The following ARHGEF10L variants were observed in gnomAD, a reference collection of about 807,000 sequenced individuals.
The protein encoded by ARHGEF10L is rho guanine nucleotide exchange factor 10-like protein.
A neutral mutation model predicts 141.2 loss-of-function variants in ARHGEF10L; 69 were observed. The observed-to-expected ratio is 0.49, with a 90% CI of 0.40 to 0.60. The LOEUF is 0.60. Ranked by LOEUF, ARHGEF10L falls within the 20% of genes least tolerant of loss-of-function variation. The pLI is 0.00. For synonymous variants in ARHGEF10L, 711 were observed against 718.5 expected (o/e 0.99, Z 0.17); for missense variants, 1,482 against 1,734.3 (o/e 0.85, Z 2.58).
At chr1:17,579,018 C>CT (rs996537115) in intron 1 of ARHGEF10L, among the ~76,000 whole-genome samples, 4 of 150,268 alleles carry the variant, frequency 2.7e-5, no homozygotes, top group Non-Finnish European at 4.4e-5. Context: ...GGTTGACTAA[C>CT]TTTTTTTTTT....
intron 4 of ARHGEF10L, among the ~76,000 whole-genome samples, chr1:17,590,137 G>T (rs918194465): frequency 1.3e-5 from 2 of 152,130 alleles, no homozygotes; most frequent in Non-Finnish European, 2.9e-5. Context: ...TCAGAAGAGA[G>T]ACCAAGGCCC....
chr1:17,587,665 T>G lies in ARHGEF10L; in HGVS notation c.223+20T>G, dbSNP rs1046396494. ...TCACTGGTAAGATGTTTCTGGGAAC[T>G]TCCGGTCCTGGGGCTACAGGGAGCA... On this transcript the variant is annotated intron_variant, in intron 3 of 28. Transcript: ENST00000361221. 29 of 1,595,608 alleles carry G rather than the reference T, an allele frequency of 1.8e-5. No homozygotes were observed. The highest frequency in any genetic ancestry group is 2.5e-5 in the Non-Finnish European group (29 of 1,169,484).
At chr1:17,696,049 A>AAT (rs1007166441) in intron 28 of ARHGEF10L, among the ~76,000 whole-genome samples, 4 of 152,030 alleles carry the variant, frequency 2.6e-5, no homozygotes, top group African/African-American at 9.7e-5. Flanking sequence ...AATAAAAAAA[A>AAT]ATAAAAATAA....
intron 11 of ARHGEF10L, among the ~76,000 whole-genome samples, 169 bp from the exon 12 acceptor site, chr1:17,622,827 T>C (rs1571005375): frequency 6.6e-6 from 1 of 150,640 alleles, no homozygotes; most frequent in African/African-American, 2.4e-5. Context: ...AGGCCAGGGG[T>C]GTTATGGTGA....
intron 1 of ARHGEF10L, among the ~76,000 whole-genome samples, chr1:17,565,951 C>A (rs112065609): frequency 6.6e-6 from 1 of 152,158 alleles, no homozygotes; most frequent in African/African-American, 2.4e-5. Context: ...TCTCTGCCCC[C>A]ACAGTCTAGC....
Position 17,697,126 on chromosome 1 carries a change from G to T in ARHGEF10L, c.3586G>T (p.Ala1196Ser). ...PLLSMREPAP[A>S]DGAALEHSEE... The stretch of plus-strand genomic sequence containing the variant: ...GCTCTCCATGCGGGAGCCGGCGCCT[G>T]CTGATGGCGCAGCTTTGGAGCACAG... Residue 1196 changes from alanine to serine, a missense_variant, in exon 29 of 29, where the codon GCT becomes TCT. Coordinates refer to ENST00000361221, the MANE Select transcript of ARHGEF10L (RefSeq NM_018125.4). This position sits in a 1 kb window ranked among gnomAD's most constrained non-coding sequence, Gnocchi z 4.8. 6.2e-7 allele frequency: 1 copy of T among 1,610,708 alleles called. No individual in the cohort carries two copies. The highest frequency in any genetic ancestry group is 8.5e-7 in the Non-Finnish European group (1 of 1,178,646).
intron 27 of ARHGEF10L, among the ~76,000 whole-genome samples, chr1:17,691,765 G>A (rs759146383): frequency 5.9e-5 from 9 of 152,006 alleles, no homozygotes; most frequent in Non-Finnish European, 1.2e-4. Flanking sequence ...GAGCAAGGCA[G>A]GTTTGTAGTA....
the ARHGEF10L span, among the ~76,000 whole-genome samples, chr1:17,517,933 A>AATT: frequency 1.3e-5 from 2 of 152,170 alleles, no homozygotes; most frequent in Non-Finnish European, 2.9e-5. Context: ...AAAGTGTTGG[A>AATT]ATTATAGGCG....
intron 1 of ARHGEF10L, among the ~76,000 whole-genome samples, chr1:17,548,369 G>A (rs563310071): frequency 1.3e-5 from 2 of 152,238 alleles, no homozygotes; most frequent in African/African-American, 4.8e-5. Context: ...AACAAAGGGC[G>A]ATAAATTGTG....
chr1:17,544,727 C>T (rs763485029), intron 1 of ARHGEF10L, among the ~76,000 whole-genome samples: 10 of 151,868 alleles, frequency 6.6e-5, no homozygotes, highest in Non-Finnish European at 1.2e-4. Flanking sequence ...AGTTCTTTTT[C>T]ATACTGCTAT....
chr1:17,565,154 C>T (rs776178756), intron 1 of ARHGEF10L, among the ~76,000 whole-genome samples: 2 of 152,178 alleles, frequency 1.3e-5, no homozygotes, highest in Admixed American at 6.5e-5. Context: ...TGTGTCCCTG[C>T]GTGGTGGGAG....
At chr1:17,533,385 G>C in the ARHGEF10L span, among the ~76,000 whole-genome samples, 1 of 152,106 alleles carries the variant, frequency 6.6e-6, no homozygotes, top group Admixed American at 6.6e-5. Context: ...GCCCAGGCTG[G>C]TCTTGAACTC....
intron 27 of ARHGEF10L, chr1:17,689,626 C>T (rs1346742044): frequency 1.4e-5 from 3 of 211,392 alleles, no homozygotes; most frequent in African/African-American, 9.8e-5. Context: ...TCCCTCCCTC[C>T]TTCCTCCCTT....
In ARHGEF10L at chr1:17,634,552, G is replaced by A. The variant is rs374457491; in HGVS notation, c.1735G>A (p.Ala579Thr). The A allele has an allele frequency of 6.2e-6, 10 of 1,613,878 alleles. No individual in the cohort carries two copies. The highest frequency in any genetic ancestry group is 7.6e-6 in the Non-Finnish European group (9 of 1,179,966). The change falls in exon 17 of 29, where the codon GCC (alanine) becomes ACC (threonine). Residue 579 changes from alanine to threonine, a missense_variant. Physicochemically the swap from Ala to Thr is moderately conservative, Grantham distance 58. Coordinates refer to ENST00000361221, the MANE Select transcript of ARHGEF10L (RefSeq NM_018125.4). Reference sequence around the variant, plus strand: ...CCTTCTTGTCTTTTTTCCCAGGCCTGCCAACCACAGGTACGTGGTTCAGGG... The same window carrying A: ...CCTTCTTGTCTTTTTTCCCAGGCCTACCAACCACAGGTACGTGGTTCAGGG... Reference protein sequence around the residue: ...LVCANINFKPANHRGQLEISS... With the variant: ...LVCANINFKPTNHRGQLEISS...
At chr1:17,635,133 T>C (rs571957794) in intron 18 of ARHGEF10L, 117 bp downstream of exon 18, 6 of 1,284,968 alleles carry the variant, frequency 4.7e-6, no homozygotes, top group Non-Finnish European at 6.4e-6. Context: ...GGCTGATGGG[T>C]GGCTTGGCCA....
Position 17,634,976 on chromosome 1 carries a change from C to T in ARHGEF10L, c.1887C>T (p.His629=), listed in dbSNP as rs750469995. The T allele has an allele frequency of 1.2e-6, 2 of 1,614,130 alleles. No homozygotes were observed. The highest frequency in any genetic ancestry group is 1.1e-5 in the South Asian group (1 of 91,088). ...ACAAGGACAATGTGCTCATCCAGCACTCAGGCGCCAAGAAGGCCTCTGCCT... is the reference window on the plus strand; with the variant it reads ...ACAAGGACAATGTGCTCATCCAGCATTCAGGCGCCAAGAAGGCCTCTGCCT... ...TYDKDNVLIQ[H]SGAKKASASG... The change falls in exon 18 of 29, where the codon CAC becomes CAT. Residue 629 remains histidine, a synonymous_variant. Coordinates refer to ENST00000361221, the MANE Select transcript of ARHGEF10L (RefSeq NM_018125.4).
chr1:17,658,368 G>A (rs1273061787), intron 25 of ARHGEF10L, among the ~76,000 whole-genome samples: 1 of 152,120 alleles, frequency 6.6e-6, no homozygotes, highest in Non-Finnish European at 1.5e-5. Context: ...TCTAGTCTGG[G>A]GTTGGAGCCT....
At chr1:17,658,572 C>T (rs768149366) in intron 25 of ARHGEF10L, among the ~76,000 whole-genome samples, 5 of 152,140 alleles carry the variant, frequency 3.3e-5, no homozygotes, top group Non-Finnish European at 7.4e-5. Context: ...GGTCTGAAGG[C>T]TGAGATGTTC....
At chr1:17,685,827 C>T (rs1403896971) in intron 26 of ARHGEF10L, among the ~76,000 whole-genome samples, 1 of 152,224 alleles carries the variant, frequency 6.6e-6, no homozygotes, top group Non-Finnish European at 1.5e-5. Context: ...GAGGCCTGGG[C>T]CTGTGAAGCT....
Sources: allele counts gnomAD v4.1 joint callset (sites outside exome capture counted in the v4.1 genomes callset), GRCh38; gene constraint gnomAD v4.1.1; non-coding constraint Gnocchi (gnomAD v3.1); transcripts MANE v1.5; gene names NCBI Gene and HGNC (gene_info 2026-07-23, HGNC 2026-07-21).